Variants in EXOSC8 observed in about 807,000 individuals in gnomAD.
EXOSC8 encodes the protein exosome complex component RRP43.
A neutral mutation model predicts 39.9 loss-of-function variants in EXOSC8; 37 were observed. The ratio of observed to expected loss-of-function variants is 0.93; its 90% CI spans 0.71 to 1.22. The LOEUF (loss-of-function observed/expected upper bound fraction) is 1.22, where lower values mean the gene tolerates loss of function less well. Among genes scored for constraint, EXOSC8 ranks in the 50% most tolerant of loss-of-function variants. EXOSC8 has a pLI of 0.00. For missense variants in EXOSC8, 313 were observed against 326.6 expected, an observed-to-expected ratio of 0.96 and a Z score of 0.32; for synonymous variants, 93 against 109.5, an observed-to-expected ratio of 0.85 and a Z score of 0.94.
At chr13:37,002,119 G>C (rs1166112142) in intron 1 of EXOSC8, 154 bp from the exon 2 acceptor site, 1 of 553,420 alleles carries the variant, frequency 1.8e-6, no homozygotes, top group Non-Finnish European at 3.2e-6. Flanking sequence ...GAATGTGATT[G>C]CTACTACAAG....
At chr13:37,004,804 A>C (rs1219735930) in intron 5 of EXOSC8, among the ~76,000 whole-genome samples, 2 of 152,220 alleles carry the variant, frequency 1.3e-5, no homozygotes, top group Non-Finnish European at 2.9e-5. Context: ...TTATACATTC[A>C]TAAGTTACTA....
In EXOSC8 at chr13:37,005,862, CAAAAAAAAAA is replaced by C. The variant is rs59234766; in HGVS notation, c.239-44_239-35del. On this transcript the variant is annotated intron_variant, in intron 5 of 10. Coordinates refer to ENST00000389704, the MANE Select transcript of EXOSC8 (RefSeq NM_181503.3). ...CTGGCAACAGAGCAAGACTCCATCT[CAAAAAAAAAA>C]AAAAAAAAAAAAAGGTTTAGTTCAT... 16 of 297,032 alleles carry C rather than the reference CAAAAAAAAAA, an allele frequency of 5.4e-5. No individual in the cohort carries two copies. The East Asian group carries it at 6.5e-4, about 12-fold the overall frequency. The allele number at this position is 297,032 out of a possible 1,614,324, so 18.4% of individuals were successfully genotyped here.
intron 10 of EXOSC8, 124 bp downstream of exon 10, chr13:37,008,959 C>T: frequency 1.3e-6 from 1 of 750,360 alleles, no homozygotes; most frequent in Non-Finnish European, 2.3e-6. Flanking sequence ...AGTTTCTTAG[C>T]TACCTAAAAT....
At chr13:37,008,595 A>G in intron 9 of EXOSC8, 134 bp from the exon 10 acceptor site, 1 of 627,604 alleles carries the variant, frequency 1.6e-6, no homozygotes, top group East Asian at 2.9e-5. Flanking sequence ...TCTCTACTAA[A>G]AACACAAAAA....
At chr13:37,005,361 G>A (rs184122915) in intron 5 of EXOSC8, among the ~76,000 whole-genome samples, 148 of 152,216 alleles carry the variant, frequency 9.7e-4, no homozygotes, top group Middle Eastern at 6.8e-3. Context: ...ACTCGTAAAG[G>A]ATTTAGAATT....
intron 7 of EXOSC8, among the ~76,000 whole-genome samples, 157 bp downstream of exon 7, chr13:37,006,317 A>G (rs1464310694): frequency 6.6e-6 from 1 of 152,136 alleles, no homozygotes; most frequent in African/African-American, 2.4e-5. Context: ...TTACTCTATA[A>G]TTCTCTAAAT....
At chr13:37,007,204 T>C in intron 8 of EXOSC8, 133 bp downstream of exon 8, 2 of 675,508 alleles carry the variant, frequency 3.0e-6, no homozygotes, top group South Asian at 3.4e-5. Context: ...TTTCCAAATA[T>C]AGTTGATAGT....
In EXOSC8 at chr13:37,006,119, C is replaced by A; in HGVS notation, c.349C>A (p.Gln117Lys). ...GCTCTTTGTCATTAAATCAAGTTCACAGATAATTCAGAAAGAGGACTTATG... is the reference window on the plus strand; with the variant it reads ...GCTCTTTGTCATTAAATCAAGTTCAAAGATAATTCAGAAAGAGGACTTATG... ...QFIADVIENS[Q>K]IIQKEDLCIS... Residue 117 changes from glutamine (Q) to lysine (K), a missense_variant, in exon 7 of 11, where the codon CAG (glutamine) becomes AAG (lysine). Coordinates refer to ENST00000389704, the MANE Select transcript of EXOSC8 (RefSeq NM_181503.3). 6.2e-7 allele frequency: 1 copy of A among 1,609,314 alleles called. No individual in the cohort carries two copies. Among genetic ancestry groups the A allele is most frequent in the Non-Finnish European group, 8.5e-7 (1 of 1,175,924 alleles).
At position 37,007,019 on chromosome 13, in the gene EXOSC8, T is replaced by G; in HGVS notation, c.435T>G (p.Asp145Glu). Reference sequence around the variant, plus strand: ...GTGATCTCATTTGCCTCGACTACGATGGAAACATTTTGGATGCCTGCACAT... The same window carrying G: ...GTGATCTCATTTGCCTCGACTACGAGGGAAACATTTTGGATGCCTGCACAT... ...LYCDLICLDY[D>E]GNILDACTFA... Residue 145 changes from aspartate (D) to glutamate (E), a missense_variant, in exon 8 of 11, where the codon GAT (aspartate) becomes GAG (glutamate). Transcript: ENST00000389704. 6.2e-7 allele frequency: 1 copy of G among 1,613,810 alleles called. No individual in the cohort carries two copies. The highest frequency in any genetic ancestry group is 8.5e-7 in the Non-Finnish European group (1 of 1,179,650).
chr13:37,001,493 C>G (rs1312729343), intron 1 of EXOSC8: 1 of 152,172 alleles, frequency 6.6e-6, no homozygotes, highest in Admixed American at 6.5e-5. Flanking sequence ...AGGATCATGC[C>G]TCGTTTGGAA....
intron 3 of EXOSC8, 117 bp downstream of exon 3, chr13:37,002,668 C>T: frequency 1.3e-6 from 1 of 772,566 alleles, no homozygotes; most frequent in Non-Finnish European, 2.1e-6. Flanking sequence ...TTTTTTTTGT[C>T]AAGAGATTTT....
At chr13:37,005,343 C>T (rs9547717) in intron 5 of EXOSC8, among the ~76,000 whole-genome samples, 134,163 of 152,068 alleles carry the variant, frequency 0.88, 59,228 homozygotes, top group East Asian at 1. Context: ...TTGAAAGATA[C>T]CAGGAAAACT....
intron 8 of EXOSC8, among the ~76,000 whole-genome samples, chr13:37,007,642 A>C (rs1279570927): frequency 6.6e-6 from 1 of 152,190 alleles, no homozygotes; most frequent in Non-Finnish European, 1.5e-5. Flanking sequence ...AAGTCAGCAA[A>C]ATATTATAAT....
intron 1 of EXOSC8, chr13:37,001,841 A>G (rs1201092674): frequency 6.4e-6 from 1 of 155,628 alleles, no homozygotes; most frequent in African/African-American, 2.4e-5. Context: ...TTACAGTCAT[A>G]ATTGAAGAAT....
intron 1 of EXOSC8, 97 bp downstream of exon 1, chr13:37,000,919 C>T: frequency 7.4e-7 from 1 of 1,359,314 alleles, no homozygotes. Context: ...AGGCCGACCC[C>T]GTTGGGGTGC....
intron 10 of EXOSC8, 43 bp downstream of exon 10, chr13:37,008,878 A>G (rs2059180596): frequency 7.9e-7 from 1 of 1,268,630 alleles, no homozygotes; most frequent in African/African-American, 1.5e-5. Flanking sequence ...GTAGATGAAA[A>G]CTCAGTGTGA....
At chr13:37,004,922 C>G (rs2059128449) in intron 5 of EXOSC8, among the ~76,000 whole-genome samples, 1 of 151,998 alleles carries the variant, frequency 6.6e-6, no homozygotes, top group Non-Finnish European at 1.5e-5. Context: ...TCAAGACCAG[C>G]CTGGGAAACA....
intron 5 of EXOSC8, among the ~76,000 whole-genome samples, chr13:37,005,683 T>C (rs2059133514): frequency 6.6e-6 from 1 of 151,806 alleles, no homozygotes. Context: ...TTGGCCAATA[T>C]GGTAAAACCC....
At chr13:37,008,006 A>G in intron 8 of EXOSC8, 51 bp from the exon 9 acceptor site, 1 of 1,394,340 alleles carries the variant, frequency 7.2e-7, no homozygotes, top group Non-Finnish European at 9.9e-7. Flanking sequence ...AAGCTTAGAA[A>G]TCATTTGTTT....
Sources: gnomAD v4.1 joint callset for allele counts (sites outside exome capture counted in the v4.1 genomes callset) on GRCh38, gnomAD v4.1.1 for gene constraint, MANE v1.5 for transcripts, NCBI Gene and HGNC (gene_info 2026-07-23, HGNC 2026-07-21) for gene names.